Variants in ZMIZ1 observed in about 807,000 individuals in gnomAD.
ZMIZ1 encodes the protein zinc finger MIZ domain-containing protein 1.
Under a neutral mutation model 113.9 loss-of-function variants are expected in ZMIZ1, and 17 were observed. The ratio of observed to expected loss-of-function variants is 0.15; its 90% CI spans 0.10 to 0.22. ZMIZ1 has a LOEUF of 0.22. Among genes scored for constraint, ZMIZ1 ranks in the 10% least tolerant of loss-of-function variants. ZMIZ1 has a pLI of 1.00. For missense variants in ZMIZ1, 1,059 were observed against 1,477.8 expected (o/e 0.72, Z 4.65); for synonymous variants, 607 against 603.1 (o/e 1.01, Z -0.09).
At chr10:79,128,236 C>T (rs1303233961) in intron 2 of ZMIZ1, among the ~76,000 whole-genome samples, 7 of 152,180 alleles carry the variant, frequency 4.6e-5, no homozygotes, top group Admixed American at 2.6e-4. Context: ...GCCAGAGTTT[C>T]CCCTGCTCTA....
chr10:79,277,404 G>A, intron 8 of ZMIZ1, 79 bp downstream of exon 8: 1 of 1,467,940 alleles, frequency 6.8e-7, no homozygotes, highest in Non-Finnish European at 9.0e-7. Context: ...ATGTCCCTGG[G>A]GTGGGGGCCT....
At chr10:79,136,400 A>G (rs77365760) in intron 2 of ZMIZ1, among the ~76,000 whole-genome samples, 236 of 152,314 alleles carry the variant, frequency 1.5e-3, no homozygotes, top group South Asian at 0.011. Context: ...GGTGAGGTAA[A>G]CAGGAGGCCC....
At position 79,068,993 on chromosome 10, in the gene ZMIZ1, C is replaced by A. The variant is rs1168861535; in HGVS notation, c.-614C>A. On this transcript the variant is annotated 5_prime_UTR_variant, in exon 1 of 25. Coordinates refer to ENST00000334512, the MANE Select transcript of ZMIZ1 (RefSeq NM_020338.4). ...TTACTCACCCCCTAACGCCGAGTTCCTTTTCACTGTCTGTGGACATTAAAA... is the reference window on the plus strand; with the variant it reads ...TTACTCACCCCCTAACGCCGAGTTCATTTTCACTGTCTGTGGACATTAAAA... 4.0e-5 allele frequency: 6 copies of A among 151,778 alleles called. No homozygotes were observed. Among genetic ancestry groups the A allele is most frequent in the South Asian group, 1.8e-4 (1 of 5,568 alleles). 9.4% of individuals were successfully genotyped at this position (151,778 alleles called of 1,614,324 possible).
intron 7 of ZMIZ1, among the ~76,000 whole-genome samples, chr10:79,273,011 G>C (rs556769082): frequency 6.6e-6 from 1 of 152,260 alleles, no homozygotes; most frequent in Non-Finnish European, 1.5e-5. Flanking sequence ...TGAGAGCCCA[G>C]TTTCTGGGGT....
intron 7 of ZMIZ1, among the ~76,000 whole-genome samples, chr10:79,218,872 C>CG (rs886828416): frequency 6.6e-6 from 1 of 152,000 alleles, no homozygotes; most frequent in African/African-American, 2.4e-5. Context: ...TTCTGGAGCC[C>CG]AGAGGCAGGG....
intron 1 of ZMIZ1, among the ~76,000 whole-genome samples, chr10:79,117,696 C>G (rs1022646652): frequency 6.6e-6 from 1 of 152,176 alleles, no homozygotes; most frequent in Non-Finnish European, 1.5e-5. Flanking sequence ...AACTATTCTT[C>G]CAAGTGGTGG....
intron 6 of ZMIZ1, among the ~76,000 whole-genome samples, chr10:79,214,637 C>G (rs769066877): frequency 3.9e-5 from 6 of 152,160 alleles, no homozygotes; most frequent in Non-Finnish European, 7.3e-5. Flanking sequence ...CAGGCCAAAC[C>G]CCATGGCAGT....
Position 79,209,586 on chromosome 10 carries a change from C to T in ZMIZ1, c.174+1137C>T, listed in dbSNP as rs369636477. 4.7e-4 allele frequency among the ~76,000 whole-genome samples: 72 copies of T among 152,366 alleles called. No individual in the cohort carries two copies. The South Asian group carries it at 0.014, about 30-fold the overall frequency. On this transcript the variant is annotated intron_variant, in intron 6 of 24. Transcript: ENST00000334512. ...GGGAACAGCGGGCATGGCCCACGGG[C>T]ACCAGGCTTCCTGAAAAGCTGGAAG...
chr10:79,265,709 A>G (rs931720775), intron 7 of ZMIZ1, among the ~76,000 whole-genome samples: 11 of 151,866 alleles, frequency 7.2e-5, no homozygotes, highest in African/African-American at 1.9e-4. Flanking sequence ...CCAACTCACA[A>G]TGCCCCAGAA....
chr10:79,239,930 G>T (rs1192975715), intron 7 of ZMIZ1, among the ~76,000 whole-genome samples: 2 of 148,146 alleles, frequency 1.4e-5, no homozygotes, highest in African/African-American at 5.0e-5. Flanking sequence ...TCTTGCAGAG[G>T]CAGGCTCCGC....
intron 3 of ZMIZ1, among the ~76,000 whole-genome samples, chr10:79,152,451 G>C (rs1845749579): frequency 6.6e-6 from 1 of 152,202 alleles, no homozygotes; most frequent in African/African-American, 2.4e-5. Flanking sequence ...AGTGATCAGA[G>C]ATTACACCAC....
chr10:79,072,500 G>C (rs1379448948), intron 1 of ZMIZ1, among the ~76,000 whole-genome samples: 2 of 152,242 alleles, frequency 1.3e-5, no homozygotes, highest in Non-Finnish European at 2.9e-5. Flanking sequence ...GAGGCCTGCT[G>C]CATCCTGAGA....
intron 7 of ZMIZ1, among the ~76,000 whole-genome samples, chr10:79,225,998 T>C (rs1849186337): frequency 6.6e-6 from 1 of 152,216 alleles, no homozygotes; most frequent in Non-Finnish European, 1.5e-5. Context: ...AAGCTTCTTG[T>C]GCCAGGCCCA....
chr10:79,250,524 C>T (rs1250598), intron 7 of ZMIZ1, among the ~76,000 whole-genome samples: 10,589 of 152,316 alleles, frequency 0.07, 443 homozygotes, highest in African/African-American at 0.085. Context: ...TAAGCGTGGC[C>T]GGCACCCACG....
At chr10:79,104,760 G>T (rs1037727274) in intron 1 of ZMIZ1, among the ~76,000 whole-genome samples, 1 of 152,208 alleles carries the variant, frequency 6.6e-6, no homozygotes, top group South Asian at 2.1e-4. Context: ...GGACTGGCCC[G>T]CTGGCCACGG....
intron 7 of ZMIZ1, among the ~76,000 whole-genome samples, chr10:79,229,545 A>G (rs1849314579): frequency 6.6e-6 from 1 of 152,238 alleles, no homozygotes; most frequent in South Asian, 2.1e-4. Context: ...TGCAGGAAAC[A>G]GGAATTACTG....
At chr10:79,128,333 T>A (rs1171242895) in intron 2 of ZMIZ1, among the ~76,000 whole-genome samples, 1 of 152,212 alleles carries the variant, frequency 6.6e-6, no homozygotes, top group Non-Finnish European at 1.5e-5. Context: ...GGTGTGGCCC[T>A]CTGCCCTCAT....
At chr10:79,169,188 C>T (rs1179201982) in intron 4 of ZMIZ1, among the ~76,000 whole-genome samples, 1 of 152,218 alleles carries the variant, frequency 6.6e-6, no homozygotes, top group Non-Finnish European at 1.5e-5. Flanking sequence ...ACGGCCCTCG[C>T]CCTTGCCAAT....
intron 4 of ZMIZ1, among the ~76,000 whole-genome samples, chr10:79,177,952 G>A (rs900018358): frequency 6.6e-6 from 1 of 152,152 alleles, no homozygotes; most frequent in Non-Finnish European, 1.5e-5. Flanking sequence ...AAGTCACGAG[G>A]AGGCTTCAGA....
Sources: gnomAD v4.1 joint callset for allele counts (sites outside exome capture counted in the v4.1 genomes callset) on GRCh38, gnomAD v4.1.1 for gene constraint, MANE v1.5 for transcripts, NCBI Gene and HGNC (gene_info 2026-07-23, HGNC 2026-07-21) for gene names.